ATOSB: variants seen among roughly 807,000 people sequenced by gnomAD.
ATOSB encodes atos homolog B.
the ATOSB span, chr9:35,104,651 G>A: frequency 2.4e-6 from 1 of 424,006 alleles, no homozygotes; most frequent in Non-Finnish European, 4.9e-6. Flanking sequence ...AAGGGACTGG[G>A]GAAGGACAGG....
the ATOSB span, chr9:35,107,268 A>C: frequency 7.7e-7 from 1 of 1,294,084 alleles, no homozygotes; most frequent in Non-Finnish European, 1.0e-6. Context: ...GGTTGCAGTC[A>C]GCTGAGATTG....
chr9:35,106,640 G>T, the ATOSB span: 44 of 1,549,586 alleles, frequency 2.8e-5, no homozygotes, highest in South Asian at 1.2e-4. The surrounding 1 kb of genome is among the most constrained non-coding windows in gnomAD (Gnocchi z 4.6). Context: ...TTCGAAGGGG[G>T]CTCCTGGTAG....
chr9:35,105,107 G>A, the ATOSB span: 3 of 1,164,478 alleles, frequency 2.6e-6, no homozygotes, highest in African/African-American at 3.1e-5. The surrounding 1 kb of genome is among the most constrained non-coding windows in gnomAD (Gnocchi z 5.5). Flanking sequence ...GCGTGAGCAT[G>A]GTGAGGGCTT....
At chr9:35,107,927 C>T in the ATOSB span, 2 of 1,600,178 alleles carry the variant, frequency 1.2e-6, no homozygotes, top group Non-Finnish European at 1.7e-6. Context: ...GGGAGAAATG[C>T]TGGCTGGCCA....
At chr9:35,114,953 A>T in the ATOSB span, among the ~76,000 whole-genome samples, 1 of 151,268 alleles carries the variant, frequency 6.6e-6, no homozygotes, top group Non-Finnish European at 1.5e-5. Flanking sequence ...AGTACCGGGC[A>T]GGGCACAGCT....
At chr9:35,105,601 G>T in the ATOSB span, 2 of 1,425,696 alleles carry the variant, frequency 1.4e-6, no homozygotes, top group South Asian at 1.3e-5. This position sits in a 1 kb window ranked among gnomAD's most constrained non-coding sequence, Gnocchi z 5.5. Context: ...CAAGAATCCG[G>T]ACAGTATCGA....
the ATOSB span, chr9:35,104,655 G>A: frequency 4.6e-5 from 19 of 417,138 alleles, 1 homozygote; most frequent in Non-Finnish European, 7.5e-5. Context: ...GACTGGGGAA[G>A]GACAGGGGAA....
the ATOSB span, chr9:35,106,186 C>T: frequency 1.2e-6 from 2 of 1,603,014 alleles, no homozygotes; most frequent in Non-Finnish European, 1.7e-6. This position sits in a 1 kb window ranked among gnomAD's most constrained non-coding sequence, Gnocchi z 4.6. Context: ...CCTCTTGCCC[C>T]CTGGCCCCGC....
the ATOSB span, chr9:35,105,399 G>C: frequency 1.1e-5 from 17 of 1,591,664 alleles, no homozygotes; most frequent in South Asian, 3.4e-5. The surrounding 1 kb of genome is among the most constrained non-coding windows in gnomAD (Gnocchi z 5.5). Flanking sequence ...TGTGATCAAC[G>C]TAAGAATCCA....
At chr9:35,111,559 T>G in the ATOSB span, 1 of 151,832 alleles carries the variant, frequency 6.6e-6, no homozygotes, top group South Asian at 2.1e-4. Flanking sequence ...ACTGCCCCTC[T>G]GACTCACAGG....
chr9:35,107,274 G>A, the ATOSB span: 1 of 1,323,068 alleles, frequency 7.6e-7, no homozygotes, highest in Non-Finnish European at 1.0e-6. Flanking sequence ...AGTCAGCTGA[G>A]ATTGTGCCAC....
chr9:35,108,353 T>C, the ATOSB span: 1 of 1,441,286 alleles, frequency 6.9e-7, no homozygotes. Context: ...GGGACATCTG[T>C]GTAAGAGAAG....
the ATOSB span, chr9:35,104,756 T>A: frequency 3.7e-5 from 8 of 213,766 alleles, no homozygotes; most frequent in Non-Finnish European, 8.8e-5. Flanking sequence ...CCCCACCGCA[T>A]AAGCCTCTTC....
chr9:35,113,355 G>A, the ATOSB span, among the ~76,000 whole-genome samples: 1 of 152,174 alleles, frequency 6.6e-6, no homozygotes, highest in African/African-American at 2.4e-5. Context: ...ACCAGGTACG[G>A]TGGCTCACGC....
the ATOSB span, chr9:35,106,990 C>G: frequency 9.4e-7 from 1 of 1,061,164 alleles, no homozygotes; most frequent in Non-Finnish European, 1.4e-6. This position sits in a 1 kb window ranked among gnomAD's most constrained non-coding sequence, Gnocchi z 4.6. Flanking sequence ...CCCTGCCCCC[C>G]AGGCCTCCAC....
chr9:35,104,897 T>A, the ATOSB span: 1 of 227,362 alleles, frequency 4.4e-6, no homozygotes, highest in Non-Finnish European at 8.5e-6. Flanking sequence ...AAATAACAAG[T>A]GGCCCCTGCC....
At chr9:35,108,797 C>T in the ATOSB span, 2 of 485,104 alleles carry the variant, frequency 4.1e-6, no homozygotes, top group Non-Finnish European at 5.4e-6. Context: ...AGGCCTGTCA[C>T]CAATTATAGG....
At chr9:35,111,572 A>G in the ATOSB span, 1 of 150,812 alleles carries the variant, frequency 6.6e-6, no homozygotes, top group Non-Finnish European at 1.5e-5. Context: ...CTCACAGGCC[A>G]TTTCCTACCA....
At chr9:35,108,265 C>T in the ATOSB span, 8 of 1,550,020 alleles carry the variant, frequency 5.2e-6, no homozygotes, top group Non-Finnish European at 6.9e-6. Flanking sequence ...TCCGCCTGCA[C>T]GTGGCGCATG....
Sources: allele counts gnomAD v4.1 joint callset (sites outside exome capture counted in the v4.1 genomes callset), GRCh38; gene constraint gnomAD v4.1.1; non-coding constraint Gnocchi (gnomAD v3.1); transcripts MANE v1.5; gene names NCBI Gene and HGNC (gene_info 2026-07-23, HGNC 2026-07-21).